Variants in SAFB2 observed in about 807,000 individuals in gnomAD.
SAFB2 encodes the protein scaffold attachment factor B2.
A neutral mutation model predicts 100.6 loss-of-function variants in SAFB2; 32 were observed. The ratio of observed to expected loss-of-function variants is 0.32; its 90% CI spans 0.24 to 0.43. The LOEUF is 0.43. SAFB2 is among the 20% of genes least tolerant of loss of function. The pLI is 1.00. For missense variants in SAFB2, 1,185 were observed against 1,163.4 expected (o/e 1.02, Z -0.27); for synonymous variants, 500 against 439.4 (o/e 1.14, Z -1.72).
At chr19:5,610,742 A>G in intron 7 of SAFB2, 54 bp from the exon 8 acceptor site, 1 of 1,259,504 alleles carries the variant, frequency 7.9e-7, no homozygotes, top group Admixed American at 2.3e-5. Context: ...AGAGAACAAA[A>G]CTAAAAATAT....
At chr19:5,607,043 C>G (rs1568221536) in intron 9 of SAFB2, among the ~76,000 whole-genome samples, 2 of 152,110 alleles carry the variant, frequency 1.3e-5, no homozygotes, top group South Asian at 2.1e-4. Flanking sequence ...GGGAGGATCA[C>G]GAGGTCAGGA....
At chr19:5,619,958 A>G (rs1305080028) in intron 2 of SAFB2, among the ~76,000 whole-genome samples, 1 of 152,210 alleles carries the variant, frequency 6.6e-6, no homozygotes, top group Admixed American at 6.5e-5. Context: ...AAACTTTTAA[A>G]CTTTATTGTT....
intron 11 of SAFB2, among the ~76,000 whole-genome samples, chr19:5,601,024 G>A (rs1230794049): frequency 1.3e-5 from 2 of 152,162 alleles, no homozygotes; most frequent in African/African-American, 4.8e-5. Flanking sequence ...GCAAGCACCT[G>A]TTGGCCTCTC....
rs1774507306 is a variant in SAFB2, at chr19:5,613,398, C to T, written c.606+67G>A. ...CATTTCCATACACATACACACTGCTCTTTCATTATGGAAAATCAACCACTC... is the reference window on the plus strand; with the variant it reads ...CATTTCCATACACATACACACTGCTTTTTCATTATGGAAAATCAACCACTC... On this transcript the variant is annotated intron_variant, in intron 5 of 20. Coordinates refer to ENST00000252542, the MANE Select transcript of SAFB2 (RefSeq NM_014649.3). 17 of 1,387,694 alleles carry T rather than the reference C, an allele frequency of 1.2e-5. No homozygotes were observed. The Admixed American group carries it at 1.7e-4, about 14-fold the overall frequency. 86.0% of individuals were successfully genotyped at this position (1,387,694 alleles called of 1,614,324 possible). A position where few individuals can be genotyped will look rare whatever the true frequency, so the allele number is the denominator to read the frequency against.
chr19:5,612,490 A>G (rs1330565683), intron 6 of SAFB2, 50 bp downstream of exon 6: 2 of 1,528,202 alleles, frequency 1.3e-6, no homozygotes, highest in Non-Finnish European at 1.8e-6. Flanking sequence ...CTTTAAAATA[A>G]TAGTGTGAAA....
chr19:5,617,353 T>G (rs181172912), intron 2 of SAFB2, among the ~76,000 whole-genome samples: 44 of 152,230 alleles, frequency 2.9e-4, no homozygotes, highest in Non-Finnish European at 6.0e-4. Context: ...AAAATAACTA[T>G]TTGATAGAAT....
At chr19:5,612,479 G>A (rs1436623181) in intron 6 of SAFB2, 61 bp downstream of exon 6, 5 of 1,429,724 alleles carry the variant, frequency 3.5e-6, no homozygotes, top group Non-Finnish European at 4.9e-6. Context: ...AATATAGACA[G>A]CTTTAAAATA....
chr19:5,590,262 G>A lies in SAFB2; in HGVS notation c.2525+16C>T, dbSNP rs191963233. On this transcript the variant is annotated intron_variant, in intron 18 of 20. Coordinates refer to ENST00000252542, the MANE Select transcript of SAFB2 (RefSeq NM_014649.3). ...AGGACAGATGCTCCCCACCCGGCTGGGGCTCACCCACTAACCTGGGGGGAG... is the reference window on the plus strand; with the variant it reads ...AGGACAGATGCTCCCCACCCGGCTGAGGCTCACCCACTAACCTGGGGGGAG... The A allele has an allele frequency of 5.5e-4, 860 of 1,569,930 alleles. 3 individuals are homozygous for A. The highest frequency in any genetic ancestry group is 3.4e-3 in the Middle Eastern group (20 of 5,898).
At chr19:5,592,396 T>A (rs2052428776) in intron 16 of SAFB2, among the ~76,000 whole-genome samples, 1 of 152,150 alleles carries the variant, frequency 6.6e-6, no homozygotes, top group African/African-American at 2.4e-5. Context: ...ATTTTGCACG[T>A]CCTCCATCAA....
At chr19:5,610,898 A>G in intron 7 of SAFB2, 1 of 785,408 alleles carries the variant, frequency 1.3e-6, no homozygotes, top group Non-Finnish European at 2.0e-6. Context: ...GCTGAAGATA[A>G]CAATTAACAA....
chr19:5,596,853 T>G (rs2052545291), intron 13 of SAFB2, among the ~76,000 whole-genome samples: 1 of 152,188 alleles, frequency 6.6e-6, no homozygotes, highest in African/African-American at 2.4e-5. Context: ...AAAAAGCTAC[T>G]CAGTTTATTT....
chr19:5,590,458 G>C, intron 17 of SAFB2, 50 bp from the exon 18 acceptor site: 1 of 1,539,028 alleles, frequency 6.5e-7, no homozygotes, highest in Non-Finnish European at 8.8e-7. Context: ...CACCCACATA[G>C]GCCCACCTTC....
intron 1 of SAFB2, among the ~76,000 whole-genome samples, 175 bp downstream of exon 1, chr19:5,622,355 C>T (rs1035668568): frequency 2.0e-5 from 3 of 152,134 alleles, no homozygotes; most frequent in Non-Finnish European, 2.9e-5. Flanking sequence ...CAGAGAGGAG[C>T]GGTGACGGGC....
At chr19:5,610,452 A>C in intron 8 of SAFB2, 187 bp downstream of exon 8, 3 of 620,668 alleles carry the variant, frequency 4.8e-6, no homozygotes, top group Non-Finnish European at 2.9e-6. Context: ...GACAACCACA[A>C]GAGAAACATA....
At chr19:5,597,650 C>G (rs1257431105) in intron 13 of SAFB2, among the ~76,000 whole-genome samples, 2 of 152,142 alleles carry the variant, frequency 1.3e-5, no homozygotes, top group African/African-American at 2.4e-5. Flanking sequence ...TGCATCTCCT[C>G]AAGCTGACCA....
At chr19:5,601,092 T>C (rs2052646206) in intron 11 of SAFB2, among the ~76,000 whole-genome samples, 1 of 152,214 alleles carries the variant, frequency 6.6e-6, no homozygotes, top group Non-Finnish European at 1.5e-5. Context: ...GGGAAGCCTC[T>C]CTGATTGCCC....
chr19:5,610,352 C>A (rs1008851862), intron 8 of SAFB2: 8 of 587,474 alleles, frequency 1.4e-5, no homozygotes, highest in African/African-American at 3.7e-5. Context: ...CAGATCTCAT[C>A]CAAGACGGCA....
rs199731076 is a variant in SAFB2, at chr19:5,621,399, A to G, written c.187-3T>C. 33 of 1,596,746 alleles carry G rather than the reference A, an allele frequency of 2.1e-5. No individual in the cohort carries two copies. The highest frequency in any genetic ancestry group is 2.7e-5 in the Non-Finnish European group (32 of 1,164,274). ...TCTTGCCCCTCTTCTTTAACCGCCT[A>G]TTAGGGAGAGATGAGTTTTACAACA... On this transcript the variant is annotated splice_polypyrimidine_tract_variant and splice_region_variant and intron_variant, in intron 1 of 20. Transcript: ENST00000252542.
rs778394892 is a variant in SAFB2, at chr19:5,594,076, G to C, written c.2022C>G (p.Arg674=). 3 of 1,595,596 alleles carry C rather than the reference G, an allele frequency of 1.9e-6. No individual in the cohort carries two copies. Among genetic ancestry groups the C allele is most frequent in the Admixed American group, 1.7e-5 (1 of 58,660 alleles). The change falls in exon 15 of 21, where the codon CGC becomes CGG. Residue 674 remains arginine (R), a synonymous_variant. Coordinates refer to ENST00000252542, the MANE Select transcript of SAFB2 (RefSeq NM_014649.3). ...QRERLQLECQ[R]QRLERERMER... is the part of the protein sequence containing the mutation. ...CCATGCGCTCCCGCTCCAGCCGCTG[G>C]CGCTGGCACTCGAGCTGCAGGCGTT...
Sources: gnomAD v4.1 joint callset for allele counts (sites outside exome capture counted in the v4.1 genomes callset) on GRCh38, gnomAD v4.1.1 for gene constraint, MANE v1.5 for transcripts, NCBI Gene and HGNC (gene_info 2026-07-23, HGNC 2026-07-21) for gene names.